The following SUN3 variants were observed in gnomAD, a reference collection of about 807,000 sequenced individuals.
SUN3 encodes the protein Sad1 and UNC84 domain containing 3, also known as SUN domain-containing protein 3.
SUN3 carries 36 observed loss-of-function variants against 48.2 expected under a neutral mutation model. The ratio of observed to expected loss-of-function variants is 0.75; its 90% CI spans 0.57 to 0.99. The LOEUF (loss-of-function observed/expected upper bound fraction) is 0.99, where lower values mean the gene tolerates loss of function less well. Among genes scored for constraint, SUN3 ranks in the 50% least tolerant of loss-of-function variants. The pLI, the probability that SUN3 is intolerant of heterozygous loss-of-function variation, is 0.00. For missense variants in SUN3, 419 were observed against 433.1 expected (o/e 0.97, Z 0.29); for synonymous variants, 148 against 147.9 (o/e 1.00, Z 0.00).
intron 8 of SUN3, among the ~76,000 whole-genome samples, chr7:47,989,372 G>A (rs1363295427): frequency 1.3e-5 from 2 of 152,162 alleles, no homozygotes; most frequent in East Asian, 3.9e-4. Flanking sequence ...AATTTCCTCT[G>A]AAAAGTAAGC....
chr7:48,035,244 T>TCCACGTCC, the SUN3 span, among the ~76,000 whole-genome samples: 2 of 152,146 alleles, frequency 1.3e-5, no homozygotes, highest in Admixed American at 6.5e-5. This position sits in a 1 kb window ranked among gnomAD's most constrained non-coding sequence, Gnocchi z 4.0. Flanking sequence ...TCTTCCTGCG[T>TCCACGTCC]CCACGTCCCC....
rs1790125720 is a variant in SUN3 at position 48,026,054 on chromosome 7, C to G, written c.123-116G>C. On this transcript the variant is annotated intron_variant, in intron 1 of 9. Coordinates refer to ENST00000297325, the MANE Select transcript of SUN3 (RefSeq NM_001030019.2). ...TTACTTATTTTCATTCTTGCTTAAT[C>G]TAGGTTGAGTCTATGAATTACTTTA... 7.3e-6 allele frequency: 5 copies of G among 688,268 alleles called. No individual in the cohort carries two copies. In the East Asian group the frequency reaches 1.4e-4, roughly 19 times the overall value. The allele number at this position is 688,268 out of a possible 1,614,324, so 42.6% of individuals were successfully genotyped here.
chr7:48,005,013 G>A (rs562691916), intron 6 of SUN3, among the ~76,000 whole-genome samples: 40 of 152,308 alleles, frequency 2.6e-4, no homozygotes, highest in African/African-American at 9.1e-4. Flanking sequence ...AGAGAAGCCC[G>A]AGCATTTCCT....
chr7:48,000,887 A>T (rs1261118895), intron 6 of SUN3, among the ~76,000 whole-genome samples: 1 of 141,772 alleles, frequency 7.1e-6, no homozygotes, highest in African/African-American at 2.7e-5. Flanking sequence ...TTTTAAATCG[A>T]GTTTGAGATG....
In SUN3 at chr7:47,996,016, T is replaced by C. The variant is rs1789201383; in HGVS notation, c.693+15A>G. On this transcript the variant is annotated intron_variant, in intron 7 of 9. Transcript: ENST00000297325. ...ATTCTAAAATAGAAATAAGTGATTC[T>C]TAATTTAGCTTTACCTGAAGAATAA... 4 of 1,389,736 alleles carry C rather than the reference T, an allele frequency of 2.9e-6. No individual in the cohort carries two copies. The highest frequency in any genetic ancestry group is 3.9e-6 in the Non-Finnish European group (4 of 1,018,244). 86.1% of individuals were successfully genotyped at this position (1,389,736 alleles called of 1,614,324 possible). A position where few individuals can be genotyped will look rare whatever the true frequency, so the allele number is the denominator to read the frequency against.
rs139632329 is a variant in SUN3, at chr7:47,996,542, A to G, written c.578-396T>C. 2.9e-3 allele frequency among the ~76,000 whole-genome samples: 448 copies of G among 152,298 alleles called. 6 individuals carry two copies. The highest frequency in any genetic ancestry group is 0.01 in the African/African-American group (418 of 41,572). Reference sequence around the variant, plus strand: ...TAACAAAAAAAGCAGAAAACCAACAATGCTCCAAATGTCCTTCAAGTTACA... The same window carrying G: ...TAACAAAAAAAGCAGAAAACCAACAGTGCTCCAAATGTCCTTCAAGTTACA... On this transcript the variant is annotated intron_variant, in intron 6 of 9. Transcript: ENST00000297325.
chr7:48,004,481 G>T (rs187255939), intron 6 of SUN3, among the ~76,000 whole-genome samples: 2 of 152,184 alleles, frequency 1.3e-5, no homozygotes, highest in Admixed American at 6.5e-5. Context: ...TCCAAGACTT[G>T]AGCCACAGTT....
chr7:48,029,259 T>A (rs1369437692), upstream of SUN3: 2 of 225,408 alleles, frequency 8.9e-6, no homozygotes, highest in Admixed American at 5.8e-5. Flanking sequence ...CCCCCCCATG[T>A]ACCTACCGCT....
At chr7:47,992,393 G>GA (rs1024901802) in intron 8 of SUN3, among the ~76,000 whole-genome samples, 2 of 151,776 alleles carry the variant, frequency 1.3e-5, no homozygotes, top group Non-Finnish European at 1.5e-5. Flanking sequence ...CTTCATAAAA[G>GA]AAAAAAATAT....
At chr7:47,989,288 C>T (rs1040823385) in intron 8 of SUN3, among the ~76,000 whole-genome samples, 20 of 152,276 alleles carry the variant, frequency 1.3e-4, no homozygotes, top group South Asian at 2.1e-4. Context: ...AATAAAAATG[C>T]GTCGCCATAC....
At chr7:48,002,807 GC>G (rs1789423413) in intron 6 of SUN3, among the ~76,000 whole-genome samples, 1 of 152,144 alleles carries the variant, frequency 6.6e-6, no homozygotes, top group African/African-American at 2.4e-5. Flanking sequence ...CTTTGCCCAT[GC>G]CTATGTCCTG....
chr7:48,031,334 A>G (rs187337114), upstream of SUN3, among the ~76,000 whole-genome samples: 12 of 152,342 alleles, frequency 7.9e-5, no homozygotes, highest in East Asian at 7.7e-4. Context: ...ACAATGAGAT[A>G]TCACCTCACA....
At chr7:48,029,411 A>G (rs1790223649), upstream of SUN3, among the ~76,000 whole-genome samples, 1 of 152,212 alleles carries the variant, frequency 6.6e-6, no homozygotes, top group African/African-American at 2.4e-5. Flanking sequence ...CAACCTGAAA[A>G]TTGATATACT....
At chr7:48,018,950 T>C (rs569780911) in intron 2 of SUN3, among the ~76,000 whole-genome samples, 25 of 152,242 alleles carry the variant, frequency 1.6e-4, no homozygotes, top group Non-Finnish European at 3.4e-4. Context: ...AGGAAGATTA[T>C]GTATGGATAA....
the SUN3 span, chr7:48,035,405 T>G: frequency 1.5e-6 from 1 of 653,566 alleles, no homozygotes; most frequent in Non-Finnish European, 2.8e-6. The surrounding 1 kb of genome is among the most constrained non-coding windows in gnomAD (Gnocchi z 4.0). Context: ...GCGCTCCGCT[T>G]CCTGCCCTGA....
intron 3 of SUN3, among the ~76,000 whole-genome samples, chr7:48,014,515 A>C (rs1227516479): frequency 6.6e-6 from 1 of 152,176 alleles, no homozygotes; most frequent in Non-Finnish European, 1.5e-5. Flanking sequence ...CAGGGGTAAA[A>C]ACTAGGATGC....
rs148790109 is a variant in SUN3, at chr7:47,987,457, TAAAG to T, written c.955-12_955-9del. On this transcript the variant is annotated splice_polypyrimidine_tract_variant and intron_variant, in intron 9 of 9. Transcript: ENST00000297325. ...ATATTCAGAAACTGCATGCTGAAAATAAAGAAAAGAAAATCAATGCCTTATAACG... is the reference window on the plus strand; with the variant it reads ...ATATTCAGAAACTGCATGCTGAAAATAAAAGAAAATCAATGCCTTATAACG... 6,720 of 1,549,050 alleles carry T rather than the reference TAAAG, an allele frequency of 4.3e-3. 256 individuals carry two copies. The African/African-American group carries it at 0.083, about 19-fold the overall frequency.
intron 5 of SUN3, 144 bp from the exon 6 acceptor site, chr7:48,006,197 G>C (rs1379765122): frequency 1.5e-5 from 9 of 619,796 alleles, no homozygotes; most frequent in African/African-American, 3.7e-5. Context: ...GCCAGGCCCT[G>C]TTCATGGATC....
chr7:48,029,133 T>C (rs1265656409), upstream of SUN3: 4 of 735,556 alleles, frequency 5.4e-6, no homozygotes, highest in South Asian at 5.7e-5. Flanking sequence ...TCATCCTCCG[T>C]GACACCTCAT....
Sources: gnomAD v4.1 joint callset for allele counts (sites outside exome capture counted in the v4.1 genomes callset) on GRCh38, gnomAD v4.1.1 for gene constraint, Gnocchi (gnomAD v3.1) non-coding constraint, MANE v1.5 for transcripts, NCBI Gene and HGNC (gene_info 2026-07-23, HGNC 2026-07-21) for gene names.